Variants in FBN1 observed in about 807,000 individuals in gnomAD.
FBN1 encodes fibrillin-1.
FBN1 carries 29 observed loss-of-function variants against 365.1 expected under a neutral mutation model. That is an observed-to-expected ratio of 0.08 (90% CI 0.06 to 0.11). The LOEUF is 0.11. FBN1 is among the 10% of genes least tolerant of loss of function. The probability of loss-of-function intolerance (pLI) is 1.00; values close to 1 mark genes in which losing one functional copy is unlikely to be tolerated. For synonymous variants in FBN1, 1,210 were observed against 1,270.5 expected, an observed-to-expected ratio of 0.95 and a Z score of 1.01; for missense variants, 2,476 against 3,703.2, an observed-to-expected ratio of 0.67 and a Z score of 8.60.
chr15:48,469,874 C>A lies in FBN1; in HGVS notation c.4459+760G>T, dbSNP rs749401421. Among the ~76,000 whole-genome samples the A allele has an allele frequency of 3.9e-4, 60 of 152,162 alleles. 1 individual carries two copies. The highest frequency in any genetic ancestry group is 9.8e-4 in the Admixed American group (15 of 15,280). On this transcript the variant is annotated intron_variant, in intron 36 of 65. Coordinates refer to ENST00000316623, the MANE Select transcript of FBN1 (RefSeq NM_000138.5). ...GTGTGGCTGGAGAGGAATACTCCAT[C>A]CAGAGCATTTGCAGGGTGGTGGTGG... is the stretch of plus-strand genomic sequence containing the variant.
chr15:48,476,600 C>CTT (rs2043419624), intron 32 of FBN1, among the ~76,000 whole-genome samples: 1 of 139,122 alleles, frequency 7.2e-6, no homozygotes, highest in Non-Finnish European at 1.6e-5. Context: ...TTCTTTCTTT[C>CTT]TTTTCTTTTC....
rs1057521207 is a variant in FBN1 at position 48,456,701 on chromosome 15, A to G, written c.5358T>C (p.Val1786=). 1.9e-6 allele frequency: 3 copies of G among 1,614,006 alleles called. No homozygotes were observed. The highest frequency in any genetic ancestry group is 1.6e-4 in the Middle Eastern group (1 of 6,062). Residue 1786 remains valine (V), a synonymous_variant, in exon 44 of 66, where the codon GTT becomes GTC. Coordinates refer to ENST00000316623, the MANE Select transcript of FBN1 (RefSeq NM_000138.5). ...CTGGACATTCACATCGGAAGCTGCC[A>G]ACCATGTTGATACACACTCCATTTT... ...VCENGVCINM[V]GSFRCECPVG... is the part of the protein sequence containing the mutation.
chr15:48,513,753 A>G, intron 12 of FBN1, 85 bp from the exon 13 acceptor site: 1 of 1,470,886 alleles, frequency 6.8e-7, no homozygotes, highest in African/African-American at 1.4e-5. Context: ...TTATACATAT[A>G]AAACATTTTC....
chr15:48,595,768 C>T (rs1314264883), intron 6 of FBN1, among the ~76,000 whole-genome samples: 1 of 151,608 alleles, frequency 6.6e-6, no homozygotes, highest in Non-Finnish European at 1.5e-5. Context: ...CTGAATAAAC[C>T]ATCTACACAA....
chr15:48,463,846 C>T (rs1450720073), intron 41 of FBN1, 53 bp downstream of exon 41: 2 of 1,558,368 alleles, frequency 1.3e-6, no homozygotes, highest in African/African-American at 1.4e-5. Context: ...GAGCTCTCTT[C>T]CTCTTTGTAG....
chr15:48,643,072 T>A (rs1337254395), intron 2 of FBN1: 1 of 152,184 alleles, frequency 6.6e-6, no homozygotes, highest in Non-Finnish European at 1.5e-5. Flanking sequence ...CAGAATTAAA[T>A]CCCCACGTCC....
chr15:48,486,851 T>C (rs942534948), intron 29 of FBN1, among the ~76,000 whole-genome samples: 1 of 152,154 alleles, frequency 6.6e-6, no homozygotes, highest in Non-Finnish European at 1.5e-5. Flanking sequence ...TAACTGGCTC[T>C]TTAAACAGAT....
chr15:48,631,113 A>G (rs1456412926), intron 2 of FBN1, among the ~76,000 whole-genome samples: 1 of 152,214 alleles, frequency 6.6e-6, no homozygotes, highest in Admixed American at 6.5e-5. Context: ...ACGGATGTTC[A>G]ATAGTTTAAG....
rs573448104 is a variant in FBN1, at chr15:48,464,298, G to C, written c.4943-277C>G. Among the ~76,000 whole-genome samples, 3 of 152,244 alleles carry C rather than the reference G, an allele frequency of 2.0e-5. No individual in the cohort carries two copies. In the South Asian group the frequency reaches 6.2e-4, roughly 32 times the overall value. ...GGCCAAGGTGGGTGGATCACTTGAGGTCAGGAGTTCCAGACTAGCCTGGCC... is the reference window on the plus strand; with the variant it reads ...GGCCAAGGTGGGTGGATCACTTGAGCTCAGGAGTTCCAGACTAGCCTGGCC... On this transcript the variant is annotated intron_variant, in intron 40 of 65. Transcript: ENST00000316623.
In FBN1 at chr15:48,437,310, C is replaced by G; in HGVS notation, c.6379+12G>C. The stretch of plus-strand genomic sequence containing the variant: ...ACTGAGAAATGCTGAGAATCCAGCA[C>G]AGGCAACTGACCAACTGCTGAATCA... On this transcript the variant is annotated intron_variant, in intron 52 of 65. Transcript: ENST00000316623. 6.2e-7 allele frequency: 1 copy of G among 1,609,608 alleles called. No homozygotes were observed. The highest frequency in any genetic ancestry group is 8.5e-7 in the Non-Finnish European group (1 of 1,176,312).
At chr15:48,578,333 T>C (rs1248281278) in intron 6 of FBN1, among the ~76,000 whole-genome samples, 1 of 152,186 alleles carries the variant, frequency 6.6e-6, no homozygotes, top group Non-Finnish European at 1.5e-5. Context: ...ATAGTTTTGC[T>C]GGTACTAATG....
intron 7 of FBN1, among the ~76,000 whole-genome samples, chr15:48,534,749 AT>A (rs1185156488): frequency 6.6e-6 from 1 of 152,250 alleles, no homozygotes; most frequent in Admixed American, 6.5e-5. Context: ...TTCACTTCAC[AT>A]TCTGGAGAAG....
intron 35 of FBN1, 92 bp downstream of exon 35, chr15:48,472,457 TTA>T: frequency 2.2e-5 from 30 of 1,370,488 alleles, no homozygotes; most frequent in Non-Finnish European, 2.2e-5. Flanking sequence ...ACACCTCAGT[TTA>T]AAAAAAAAAA....
At chr15:48,582,251 T>C (rs1051520399) in intron 6 of FBN1, among the ~76,000 whole-genome samples, 7 of 152,256 alleles carry the variant, frequency 4.6e-5, no homozygotes, top group South Asian at 2.1e-4. Context: ...GCTGGGCTAC[T>C]GCGTGTCAGG....
intron 6 of FBN1, among the ~76,000 whole-genome samples, chr15:48,580,739 T>C (rs1420854741): frequency 6.6e-6 from 1 of 152,202 alleles, no homozygotes; most frequent in Non-Finnish European, 1.5e-5. Context: ...TTAATCCATG[T>C]CACTTCAGGC....
chr15:48,563,315 A>G (rs1205558976), intron 6 of FBN1, among the ~76,000 whole-genome samples: 2 of 152,184 alleles, frequency 1.3e-5, no homozygotes, highest in African/African-American at 4.8e-5. Flanking sequence ...AGGAAGCAAC[A>G]CTGGAGAGGA....
At chr15:48,508,512 G>C in intron 15 of FBN1, 70 bp downstream of exon 15, 1 of 1,600,584 alleles carries the variant, frequency 6.2e-7, no homozygotes, top group Non-Finnish European at 8.6e-7. Flanking sequence ...AAGAAAGGTA[G>C]TACCTCTAAA....
chr15:48,580,989 C>T (rs924417014), intron 6 of FBN1, among the ~76,000 whole-genome samples: 5 of 152,182 alleles, frequency 3.3e-5, no homozygotes, highest in African/African-American at 9.7e-5. Flanking sequence ...CTTGAACTTG[C>T]TGTCATTGAG....
chr15:48,500,369 T>C (rs1225371576), intron 17 of FBN1, among the ~76,000 whole-genome samples: 1 of 152,210 alleles, frequency 6.6e-6, no homozygotes, highest in Non-Finnish European at 1.5e-5. Flanking sequence ...AGACCATTTT[T>C]TGTAGTGAGT....
Sources: allele counts gnomAD v4.1 joint callset (sites outside exome capture counted in the v4.1 genomes callset), GRCh38; gene constraint gnomAD v4.1.1; transcripts MANE v1.5; gene names NCBI Gene and HGNC (gene_info 2026-07-23, HGNC 2026-07-21).